C13orf46: variants seen among roughly 807,000 people sequenced by gnomAD.
C13orf46 encodes chromosome 13 open reading frame 46, also known as uncharacterized protein C13orf46.
At chr13:113,968,439 T>C (rs2052671453) in intron 4 of C13orf46, 28 bp downstream of exon 4, 1 of 152,220 alleles carries the variant, frequency 6.6e-6, no homozygotes, top group Non-Finnish European at 1.5e-5. Flanking sequence ...CCCTTCTCAC[T>C]TCTATTACTA....
rs1013708766 is a variant in C13orf46 at position 113,954,542 on chromosome 13, C to T, written c.*2231G>A. On this transcript the variant is annotated 3_prime_UTR_variant, in exon 7 of 7. Coordinates refer to ENST00000636427, the MANE Select transcript of C13orf46 (RefSeq NM_001365455.2). ...TCTCTGTTGCTCTCGCAGTCACAGC[C>T]GGGGCTCAGCTGCGTCCACCGTGCT... is the stretch of plus-strand genomic sequence containing the variant. The T allele has an allele frequency of 3.4e-3, 515 of 152,574 alleles. 1 individual carries two copies. Among genetic ancestry groups the T allele is most frequent in the Middle Eastern group, 6.8e-3 (2 of 296 alleles). 9.5% of individuals were successfully genotyped at this position (152,574 alleles called of 1,614,324 possible). A position where few individuals can be genotyped will look rare whatever the true frequency, so the allele number is the denominator to read the frequency against.
rs1043990327 is a variant in C13orf46 at position 113,965,309 on chromosome 13, C to T, written c.505-315G>A. On this transcript the variant is annotated intron_variant, in intron 5 of 6. Transcript: ENST00000636427. ...TTGTTGGGGGTTAACAACCAGCTCT[C>T]TCTGTGGCTCTGAGGGCAAAAGGGA... is the stretch of plus-strand genomic sequence containing the variant. Among the ~76,000 whole-genome samples the T allele has an allele frequency of 9.2e-5, 14 of 152,324 alleles. No homozygotes were observed. The South Asian group carries it at 2.5e-3, about 27-fold the overall frequency.
the C13orf46 span, among the ~76,000 whole-genome samples, chr13:113,943,555 C>G: frequency 6.6e-6 from 1 of 152,192 alleles, no homozygotes; most frequent in African/African-American, 2.4e-5. Context: ...AAATGTTTCT[C>G]ATCAGACTTC....
intron 6 of C13orf46, among the ~76,000 whole-genome samples, chr13:113,961,382 G>A (rs1269707791): frequency 2.0e-5 from 3 of 151,406 alleles, no homozygotes; most frequent in Admixed American, 1.3e-4. Flanking sequence ...ATATTCTAAA[G>A]ATTATGTGAA....
At chr13:113,944,452 C>T in the C13orf46 span, among the ~76,000 whole-genome samples, 2 of 152,374 alleles carry the variant, frequency 1.3e-5, no homozygotes, top group South Asian at 2.1e-4. Context: ...CCTCCTTACA[C>T]CGCACTGACA....
At chr13:113,945,595 A>AGAGAG in the C13orf46 span, among the ~76,000 whole-genome samples, 154 of 113,304 alleles carry the variant, frequency 1.4e-3, no homozygotes, top group Middle Eastern at 0.02. Context: ...GAGAGAGAGA[A>AGAGAG]AGAAAGAAAG....
chr13:113,932,821 T>C, the C13orf46 span, among the ~76,000 whole-genome samples: 1 of 152,226 alleles, frequency 6.6e-6, no homozygotes, highest in African/African-American at 2.4e-5. Flanking sequence ...ATCTTCTTCT[T>C]ACAAGTTTTA....
chr13:113,948,665 T>A, the C13orf46 span, among the ~76,000 whole-genome samples: 1 of 152,238 alleles, frequency 6.6e-6, no homozygotes, highest in African/African-American at 2.4e-5. Context: ...ACCTCACACG[T>A]TCTGGTACTG....
intron 6 of C13orf46, among the ~76,000 whole-genome samples, chr13:113,958,439 C>G (rs2052560180): frequency 6.6e-6 from 1 of 152,232 alleles, no homozygotes; most frequent in Admixed American, 6.5e-5. Context: ...CCGTCCCCAC[C>G]TGGAGCCACT....
downstream of C13orf46, among the ~76,000 whole-genome samples, chr13:113,951,976 G>A (rs1332434599): frequency 6.6e-6 from 1 of 152,348 alleles, no homozygotes; most frequent in East Asian, 1.9e-4. Context: ...TATGCACAGG[G>A]ATTGAATACA....
At position 113,956,143 on chromosome 13, in the gene C13orf46, G is replaced by C. The variant is rs1320207020; in HGVS notation, c.*630C>G. On this transcript the variant is annotated 3_prime_UTR_variant, in exon 7 of 7. Transcript: ENST00000636427. ...TAGGATCTGGCGGAGAGGAGGAGTA[G>C]TATTTGGCGAAGAGGAGGAGCATCC... 6.5e-6 allele frequency: 1 copy of C among 154,540 alleles called. No homozygotes were observed. The highest frequency in any genetic ancestry group is 1.4e-5 in the Non-Finnish European group (1 of 71,012). The allele number at this position is 154,540 out of a possible 1,614,324, so 9.6% of individuals were successfully genotyped here. A position where few individuals can be genotyped will look rare whatever the true frequency, so the allele number is the denominator to read the frequency against.
At chr13:113,967,451 T>C (rs1324139685) in intron 4 of C13orf46, 63 bp from the exon 5 acceptor site, 2 of 152,318 alleles carry the variant, frequency 1.3e-5, no homozygotes, top group Admixed American at 6.5e-5. Context: ...GGAACGTTGA[T>C]TCCCTGGGAG....
chr13:113,932,155 G>A, the C13orf46 span, among the ~76,000 whole-genome samples: 1 of 152,216 alleles, frequency 6.6e-6, no homozygotes, highest in Non-Finnish European at 1.5e-5. Flanking sequence ...TTCATCCACT[G>A]ACCCGTGGAG....
At chr13:113,962,629 G>A (rs1210019037) in intron 6 of C13orf46, among the ~76,000 whole-genome samples, 3 of 152,152 alleles carry the variant, frequency 2.0e-5, no homozygotes, top group Non-Finnish European at 2.9e-5. Context: ...AAGAAGCCAC[G>A]TCAGCTCGTT....
chr13:113,961,305 A>G (rs1029048410), intron 6 of C13orf46, among the ~76,000 whole-genome samples: 2 of 151,926 alleles, frequency 1.3e-5, no homozygotes, highest in Non-Finnish European at 2.9e-5. Flanking sequence ...TATTAATATA[A>G]TATCAGTCAT....
the C13orf46 span, among the ~76,000 whole-genome samples, chr13:113,943,406 C>T: frequency 5.3e-5 from 8 of 152,170 alleles, no homozygotes; most frequent in Non-Finnish European, 8.8e-5. Flanking sequence ...AAAAACTTTC[C>T]GGTGGACAAT....
the C13orf46 span, chr13:113,926,736 A>G: frequency 2.6e-5 from 4 of 152,284 alleles, no homozygotes; most frequent in Admixed American, 6.5e-5. Flanking sequence ...ATATGCTTCA[A>G]GATGGCTGTT....
At chr13:113,949,945 A>G (rs2052482446), downstream of C13orf46, among the ~76,000 whole-genome samples, 1 of 148,176 alleles carries the variant, frequency 6.7e-6, no homozygotes, top group Admixed American at 6.7e-5. Context: ...TCTGGAGAAT[A>G]CGGTCATCAC....
chr13:113,938,891 C>T, the C13orf46 span, among the ~76,000 whole-genome samples: 13 of 152,092 alleles, frequency 8.5e-5, no homozygotes, highest in African/African-American at 1.9e-4. Context: ...TTGGGCCTCA[C>T]GCCCAGGAAG....
Sources: gnomAD v4.1 joint callset for allele counts (sites outside exome capture counted in the v4.1 genomes callset) on GRCh38, gnomAD v4.1.1 for gene constraint, MANE v1.5 for transcripts, NCBI Gene and HGNC (gene_info 2026-07-23, HGNC 2026-07-21) for gene names.